CLSTN1: variants seen among roughly 807,000 people sequenced by gnomAD.
CLSTN1 encodes the protein calsyntenin-1.
A neutral mutation model predicts 108.3 loss-of-function variants in CLSTN1; 28 were observed. The observed-to-expected ratio is 0.26, with a 90% CI of 0.19 to 0.35. CLSTN1 has a LOEUF of 0.35. CLSTN1 is among the 10% of genes least tolerant of loss of function. The probability of loss-of-function intolerance (pLI) is 1.00; values close to 1 mark genes in which losing one functional copy is unlikely to be tolerated. For missense variants in CLSTN1, 1,157 were observed against 1,302.6 expected, an observed-to-expected ratio of 0.89 and a Z score of 1.72; for synonymous variants, 524 against 534.9, an observed-to-expected ratio of 0.98 and a Z score of 0.28.
At chr1:9,775,501 G>A (rs950614576) in intron 1 of CLSTN1, among the ~76,000 whole-genome samples, 3 of 151,796 alleles carry the variant, frequency 2.0e-5, no homozygotes, top group Non-Finnish European at 1.5e-5. Context: ...CCTGGGGCTC[G>A]GCTCCTAAGT....
chr1:9,812,988 AC>A (rs1240817021), intron 1 of CLSTN1, among the ~76,000 whole-genome samples: 1 of 151,414 alleles, frequency 6.6e-6, no homozygotes, highest in Non-Finnish European at 1.5e-5. Flanking sequence ...ACATGGTGAA[AC>A]CCCATCTCTA....
intron 2 of CLSTN1, among the ~76,000 whole-genome samples, chr1:9,762,723 C>T (rs1203607911): frequency 3.3e-5 from 5 of 150,200 alleles, no homozygotes; most frequent in South Asian, 2.1e-4. Flanking sequence ...CCTTGGTGCC[C>T]GCACTCAACG....
intron 2 of CLSTN1, among the ~76,000 whole-genome samples, chr1:9,769,369 C>T (rs1181245515): frequency 1.3e-5 from 2 of 152,028 alleles, no homozygotes; most frequent in East Asian, 1.9e-4. Context: ...CCCATAATAG[C>T]CAAAAAGTAG....
rs914976499 is a variant in CLSTN1 at position 9,820,534 on chromosome 1, C to CA, written c.91+3108dup. On this transcript the variant is annotated intron_variant, in intron 1 of 18. Transcript: ENST00000377298. ...ACTCTGTCACAAAAACAAAAACAAA[C>CA]AAAAAAAAAACTTAAGTTTGCTTTA... Among the ~76,000 whole-genome samples, 288 of 146,108 alleles carry CA rather than the reference C, an allele frequency of 2.0e-3. 3 individuals carry two copies. Among genetic ancestry groups the CA allele is most frequent in the East Asian group, 0.02 (100 of 5,074 alleles).
rs139539925 is a variant in CLSTN1 at position 9,756,709 on chromosome 1, A to G, written c.215-199T>C. Among the ~76,000 whole-genome samples, 638 of 152,356 alleles carry G rather than the reference A, an allele frequency of 4.2e-3. 12 individuals are homozygous for G. In the East Asian group the frequency reaches 0.043, roughly 10 times the overall value. ...AATCCAACTTACCATGAACTACTGC[A>G]TAATTCTGAAGTTATTAATTTAGGG... On this transcript the variant is annotated intron_variant, in intron 2 of 18. Transcript: ENST00000377298.
intron 3 of CLSTN1, among the ~76,000 whole-genome samples, chr1:9,755,793 T>A (rs1264137769): frequency 2.5e-5 from 1 of 40,596 alleles, no homozygotes; most frequent in Non-Finnish European, 4.4e-5. Flanking sequence ...TTACAGAAAT[T>A]CTGTCAAAAA....
chr1:9,734,267 G>A lies in CLSTN1; in HGVS notation c.2111-125C>T. The A allele has an allele frequency of 1.1e-6, 1 of 917,982 alleles. No individual in the cohort carries two copies. Among genetic ancestry groups the A allele is most frequent in the South Asian group, 1.6e-5 (1 of 62,184 alleles). The allele number at this position is 917,982 out of a possible 1,614,324, so 56.9% of individuals were successfully genotyped here. A position where few individuals can be genotyped will look rare whatever the true frequency, so the allele number is the denominator to read the frequency against. ...GCTCTCGTAAGGACCAACGACAGAAGCAAGCGAGAGTTGCTTTCAAGAAAC... is the reference window on the plus strand; with the variant it reads ...GCTCTCGTAAGGACCAACGACAGAAACAAGCGAGAGTTGCTTTCAAGAAAC... On this transcript the variant is annotated intron_variant, in intron 14 of 18. Transcript: ENST00000377298. This position sits in a 1 kb window ranked among gnomAD's most constrained non-coding sequence, Gnocchi z 4.8.
chr1:9,781,593 A>G (rs1653254198), intron 1 of CLSTN1, among the ~76,000 whole-genome samples: 1 of 151,884 alleles, frequency 6.6e-6, no homozygotes, highest in Non-Finnish European at 1.5e-5. Flanking sequence ...ACAGGAGTGC[A>G]CTACCACACC....
At position 9,803,801 on chromosome 1, in the gene CLSTN1, TA is replaced by T. The variant is rs541219167; in HGVS notation, c.91+19841del. Among the ~76,000 whole-genome samples, 18 of 151,666 alleles carry T rather than the reference TA, an allele frequency of 1.2e-4. No individual in the cohort carries two copies. The South Asian group carries it at 3.3e-3, about 28-fold the overall frequency. ...TGGGCAACAGAGCAAGACTCCATCT[TA>T]AAAAAAATTAAATAAAATTAAATTT... is the stretch of plus-strand genomic sequence containing the variant. On this transcript the variant is annotated intron_variant, in intron 1 of 18. Transcript: ENST00000377298.
chr1:9,786,661 A>C (rs1188108545), intron 1 of CLSTN1, among the ~76,000 whole-genome samples: 10 of 150,216 alleles, frequency 6.7e-5, no homozygotes, highest in African/African-American at 1.2e-4. Flanking sequence ...AAAAAAAAAA[A>C]AAAAAAAAAA....
intron 1 of CLSTN1, among the ~76,000 whole-genome samples, chr1:9,777,925 C>T (rs114092499): frequency 0.01 from 1,598 of 152,194 alleles, 10 homozygotes; most frequent in Middle Eastern, 0.017. Flanking sequence ...AAGGTCCTTC[C>T]TGCTGCTCTC....
chr1:9,784,608 T>C lies in CLSTN1; in HGVS notation c.92-11214A>G, dbSNP rs114477672. 2.0e-4 allele frequency among the ~76,000 whole-genome samples: 31 copies of C among 152,316 alleles called. No individual in the cohort carries two copies. In the East Asian group the frequency reaches 3.3e-3, roughly 16 times the overall value. On this transcript the variant is annotated intron_variant, in intron 1 of 18. Transcript: ENST00000377298. The stretch of plus-strand genomic sequence containing the variant: ...GCCCTTAAAAAACAACAGCTAAATA[T>C]TGCAAGAGACTGTTGGCGTCTCACC...
chr1:9,823,422 T>G lies in CLSTN1; in HGVS notation c.91+221A>C, dbSNP rs1002188414. Among the ~76,000 whole-genome samples, 1 of 151,986 alleles carries G rather than the reference T, an allele frequency of 6.6e-6. No individual in the cohort carries two copies. Among genetic ancestry groups the G allele is most frequent in the Non-Finnish European group, 1.5e-5 (1 of 67,964 alleles). The stretch of plus-strand genomic sequence containing the variant: ...CCTGCAGCGCGCGCCCACAGTCTCC[T>G]GCGCCCTGGCCCCGGCTCCGCGAGC... On this transcript the variant is annotated intron_variant, in intron 1 of 18. Transcript: ENST00000377298. The surrounding 1 kb of genome is among the most constrained non-coding windows in gnomAD (Gnocchi z 6.3).
intron 7 of CLSTN1, among the ~76,000 whole-genome samples, chr1:9,746,295 A>C (rs974095627): frequency 3.3e-5 from 5 of 152,236 alleles, no homozygotes; most frequent in Non-Finnish European, 5.9e-5. Context: ...GTTCAAATTA[A>C]AAAAATTTTT....
intron 9 of CLSTN1, among the ~76,000 whole-genome samples, chr1:9,742,314 G>C (rs1651025179): frequency 6.6e-6 from 1 of 151,940 alleles, no homozygotes; most frequent in African/African-American, 2.4e-5. Context: ...TGCTCTATTT[G>C]GGATTTCTTG....
intron 1 of CLSTN1, among the ~76,000 whole-genome samples, chr1:9,797,910 A>G (rs1329987629): frequency 6.6e-6 from 1 of 151,842 alleles, no homozygotes; most frequent in African/African-American, 2.4e-5. Flanking sequence ...CCTGGCCAAC[A>G]TGGTGAAACC....
At chr1:9,792,164 C>T (rs2101229966) in intron 1 of CLSTN1, among the ~76,000 whole-genome samples, 1 of 150,820 alleles carries the variant, frequency 6.6e-6, no homozygotes, top group Non-Finnish European at 1.5e-5. Context: ...CCAGCTTAGG[C>T]GACAGCGAGA....
At chr1:9,793,519 T>G (rs960510623) in intron 1 of CLSTN1, among the ~76,000 whole-genome samples, 1 of 151,480 alleles carries the variant, frequency 6.6e-6, no homozygotes, top group East Asian at 2.0e-4. Flanking sequence ...GTGGAACAAT[T>G]TGATGCACTC....
intron 16 of CLSTN1, among the ~76,000 whole-genome samples, chr1:9,732,206 G>A (rs1353551900): frequency 2.6e-5 from 4 of 152,118 alleles, no homozygotes; most frequent in African/African-American, 7.2e-5. Flanking sequence ...AGTATTTGTT[G>A]AGACTGGGTC....
Sources: gnomAD v4.1 joint callset for allele counts (sites outside exome capture counted in the v4.1 genomes callset) on GRCh38, gnomAD v4.1.1 for gene constraint, Gnocchi (gnomAD v3.1) non-coding constraint, MANE v1.5 for transcripts, NCBI Gene and HGNC (gene_info 2026-07-23, HGNC 2026-07-21) for gene names.